The following CATSPER2 variants were observed in gnomAD, a reference collection of about 807,000 sequenced individuals.
CATSPER2 encodes cation channel sperm-associated protein 2.
Under a neutral mutation model 68.8 loss-of-function variants are expected in CATSPER2, and 56 were observed. The observed-to-expected ratio is 0.81, with a 90% CI of 0.66 to 1.02. The LOEUF (loss-of-function observed/expected upper bound fraction) is 1.02, where lower values mean the gene tolerates loss of function less well. Among genes scored for constraint, CATSPER2 ranks in the 50% least tolerant of loss-of-function variants. The probability of loss-of-function intolerance (pLI) is 0.00; values close to 1 mark genes in which losing one functional copy is unlikely to be tolerated. For missense variants in CATSPER2, 582 were observed against 642.0 expected (o/e 0.91, Z 1.01); for synonymous variants, 198 against 229.9 (o/e 0.86, Z 1.26).
At chr15:43,641,989 C>T (rs2086082795) in intron 4 of CATSPER2, among the ~76,000 whole-genome samples, 1 of 152,058 alleles carries the variant, frequency 6.6e-6, no homozygotes, top group South Asian at 2.1e-4. Context: ...TGAGCCACTG[C>T]ACCCAGCACT....
At position 43,647,086 on chromosome 15, in the gene CATSPER2, C is replaced by T. The variant is rs562241915; in HGVS notation, c.352G>A (p.Val118Ile). 200 of 1,612,938 alleles carry T rather than the reference C, an allele frequency of 1.2e-4. 3 individuals carry two copies. In the Middle Eastern group the frequency reaches 1.7e-3, roughly 13 times the overall value. The change falls in exon 4 of 13, where the codon GTC becomes ATC. Residue 118 changes from valine (V) to isoleucine (I), a missense_variant. Transcript: ENST00000396879. The stretch of plus-strand genomic sequence containing the variant: ...ATCAATATGATCGTATTCAAAAAGA[C>T]CAGGAAGATGATGAAGTTTTTGAAG... ...PLFKNFIIFL[V>I]FLNTIILMVE...
At chr15:43,642,006 C>A (rs2086083010) in intron 4 of CATSPER2, among the ~76,000 whole-genome samples, 1 of 151,954 alleles carries the variant, frequency 6.6e-6, no homozygotes, top group South Asian at 2.1e-4. Flanking sequence ...CACTCCTATG[C>A]TTATTTAGGC....
chr15:43,637,339 T>C (rs2085982092), intron 7 of CATSPER2, among the ~76,000 whole-genome samples: 1 of 151,862 alleles, frequency 6.6e-6, no homozygotes, highest in South Asian at 2.1e-4. Context: ...ATACAAATTA[T>C]AAAATTAATA....
In CATSPER2 at chr15:43,644,551, G is replaced by C. The variant is rs1004765898; in HGVS notation, c.388+2499C>G. On this transcript the variant is annotated intron_variant, in intron 4 of 12. Coordinates refer to ENST00000396879, the MANE Select transcript of CATSPER2 (RefSeq NM_172095.4). ...CCAGTCCATGGTCTGTTAGGAACCC[G>C]GCCATGCAGCAGGAAGTGAGTGGTG... is the stretch of plus-strand genomic sequence containing the variant. Among the ~76,000 whole-genome samples, 23 of 151,948 alleles carry C rather than the reference G, an allele frequency of 1.5e-4. 1 individual carries two copies. Among genetic ancestry groups the C allele is most frequent in the Non-Finnish European group, 2.4e-4 (16 of 67,952 alleles).
intron 10 of CATSPER2, chr15:43,633,169 G>C (rs1238934389): frequency 3.6e-6 from 2 of 559,562 alleles, no homozygotes; most frequent in Non-Finnish European, 6.3e-6. Flanking sequence ...CTCTACCTTC[G>C]AAATATATCT....
At chr15:43,638,826 T>C (rs1324238448) in intron 7 of CATSPER2, 78 bp downstream of exon 7, 2 of 1,543,998 alleles carry the variant, frequency 1.3e-6, no homozygotes, top group Middle Eastern at 1.7e-4. Context: ...ACTTTTTATA[T>C]TACTATACTT....
chr15:43,632,267 CG>C lies in CATSPER2; in HGVS notation c.1492del (p.Arg498AspfsTer6), dbSNP rs1567125088. On this transcript the variant is annotated frameshift_variant, in exon 12 of 13. Transcript: ENST00000396879. LOFTEE classifies it high-confidence loss of function. ...DRVWPRDSLFRYFELLEKLQY... is the reference protein window; with the variant it reads ...DRVWPRDSLFXYFELLEKLQY... ...AAGCTTTTCTAGCAACTCAAAATAT[CG>C]GAAGAGTGAGTCTCTGGGCCAAACA... The C allele has an allele frequency of 6.2e-7, 1 of 1,613,500 alleles. No individual in the cohort carries two copies. The highest frequency in any genetic ancestry group is 1.3e-5 in the African/African-American group (1 of 74,806).
At chr15:43,634,256 C>T (rs1191550137) in intron 10 of CATSPER2, 1 of 151,396 alleles carries the variant, frequency 6.6e-6, no homozygotes, top group African/African-American at 2.4e-5. Context: ...GGGTCTTGCT[C>T]TGTCACCCAG....
At chr15:43,637,437 C>A (rs185165817) in intron 7 of CATSPER2, among the ~76,000 whole-genome samples, 5 of 151,876 alleles carry the variant, frequency 3.3e-5, no homozygotes, top group Admixed American at 3.3e-4. Context: ...TACAATTTAT[C>A]GAAAACATGA....
intron 4 of CATSPER2, among the ~76,000 whole-genome samples, chr15:43,646,027 T>C (rs1184200412): frequency 6.6e-6 from 1 of 152,018 alleles, no homozygotes. Flanking sequence ...TTCCATACTT[T>C]GTGAGCTTTC....
In CATSPER2 at chr15:43,647,309, C is replaced by T. The variant is rs2086186403; in HGVS notation, c.304G>A (p.Gly102Arg). The T allele has an allele frequency of 1.9e-6, 3 of 1,609,846 alleles. No individual in the cohort carries two copies. The highest frequency in any genetic ancestry group is 1.7e-5 in the Admixed American group (1 of 59,928). The change falls in exon 3 of 13, where the codon GGA (glycine) becomes AGA (arginine). Residue 102 changes from glycine to arginine, a missense_variant. Around this residue, in one of 5 missense-constraint regions of CATSPER2, gnomAD observed 197 missense variants for 191.0 expected, o/e 1.03. Transcript: ENST00000396879. ...SQRPPLSLWAGWVLECPLFKN... is the reference protein window; with the variant it reads ...SQRPPLSLWARWVLECPLFKN... The stretch of plus-strand genomic sequence containing the variant: ...GAAAGGATACACTCAAGGACCCATC[C>T]GGCCCACAAAGAAAGAGGTGGCCTC...
At position 43,648,824 on chromosome 15, in the gene CATSPER2, C is replaced by A; in HGVS notation, c.-198G>T. ...ACCCGGCCCTAGCCCCTACCCACAG[C>A]CCAGGACCATGCGGAGCAACGCTCG... On this transcript the variant is annotated 5_prime_UTR_variant, in exon 1 of 13. Transcript: ENST00000396879. 1 of 1,533,230 alleles carries A rather than the reference C, an allele frequency of 6.5e-7. No homozygotes were observed. Among genetic ancestry groups the A allele is most frequent in the Non-Finnish European group, 8.7e-7 (1 of 1,143,914 alleles). The allele number at this position is 1,533,230 out of a possible 1,614,324, so 95.0% of individuals were successfully genotyped here. A position where few individuals can be genotyped will look rare whatever the true frequency, so the allele number is the denominator to read the frequency against.
chr15:43,631,551 A>G, intron 12 of CATSPER2: 1 of 386,052 alleles, frequency 2.6e-6, no homozygotes, highest in Non-Finnish European at 5.4e-6. Context: ...TTTAGAGGGA[A>G]ATTGTATTAA....
chr15:43,641,479 C>G (rs1234516941), intron 4 of CATSPER2, among the ~76,000 whole-genome samples: 1 of 150,976 alleles, frequency 6.6e-6, no homozygotes, highest in Non-Finnish European at 1.5e-5. Context: ...TTCTTCATCT[C>G]TTTTATACAA....
At chr15:43,646,956 A>G in intron 4 of CATSPER2, 94 bp downstream of exon 4, 5 of 1,060,496 alleles carry the variant, frequency 4.7e-6, no homozygotes, top group Non-Finnish European at 7.4e-6. Context: ...AGCTCCGGCA[A>G]TCCACACGCC....
rs1411175598 is a variant in CATSPER2 at position 43,648,840 on chromosome 15, G to C, written c.-214C>G. The C allele has an allele frequency of 1.4e-5, 22 of 1,529,218 alleles. No homozygotes were observed. Among genetic ancestry groups the C allele is most frequent in the Non-Finnish European group, 1.9e-5 (22 of 1,142,376 alleles). The allele number at this position is 1,529,218 out of a possible 1,614,324, so 94.7% of individuals were successfully genotyped here. ...TACCCACAGCCCAGGACCATGCGGAGCAACGCTCGCCCAGCCACTCGCCGC... is the reference window on the plus strand; with the variant it reads ...TACCCACAGCCCAGGACCATGCGGACCAACGCTCGCCCAGCCACTCGCCGC... On this transcript the variant is annotated 5_prime_UTR_variant, in exon 1 of 13. Transcript: ENST00000396879.
At chr15:43,639,407 G>A (rs1253657320) in intron 6 of CATSPER2, 41 of 476,770 alleles carry the variant, frequency 8.6e-5, no homozygotes, top group Non-Finnish European at 1.8e-5. Context: ...ACCAAGCCCG[G>A]CAATTTTTTT....
chr15:43,648,823 G>A lies in CATSPER2; in HGVS notation c.-197C>T, dbSNP rs1239128389. On this transcript the variant is annotated 5_prime_UTR_variant, in exon 1 of 13. Coordinates refer to ENST00000396879, the MANE Select transcript of CATSPER2 (RefSeq NM_172095.4). ...GACCCGGCCCTAGCCCCTACCCACAGCCCAGGACCATGCGGAGCAACGCTC... is the reference window on the plus strand; with the variant it reads ...GACCCGGCCCTAGCCCCTACCCACAACCCAGGACCATGCGGAGCAACGCTC... 5.2e-6 allele frequency: 8 copies of A among 1,532,404 alleles called. No homozygotes were observed. Among genetic ancestry groups the A allele is most frequent in the African/African-American group, 2.8e-5 (2 of 72,168 alleles). 94.9% of individuals were successfully genotyped at this position (1,532,404 alleles called of 1,614,324 possible). A position where few individuals can be genotyped will look rare whatever the true frequency, so the allele number is the denominator to read the frequency against.
chr15:43,639,386 A>G, intron 6 of CATSPER2: 1 of 468,658 alleles, frequency 2.1e-6, no homozygotes, highest in Admixed American at 3.5e-5. Context: ...CTGGGATTAC[A>G]GGCACACACC....
Sources: allele counts gnomAD v4.1 joint callset (sites outside exome capture counted in the v4.1 genomes callset), GRCh38; gene constraint gnomAD v4.1.1; regional missense constraint gnomAD v4.1.1; transcripts MANE v1.5; gene names NCBI Gene and HGNC (gene_info 2026-07-23, HGNC 2026-07-21).